TLN2: variants seen among roughly 807,000 people sequenced by gnomAD.
TLN2 encodes the protein talin 2, also known as talin-2.
TLN2 carries 118 observed loss-of-function variants against 294.7 expected under a neutral mutation model. The ratio of observed to expected loss-of-function variants is 0.40; its 90% confidence interval spans 0.34 to 0.47. The LOEUF (loss-of-function observed/expected upper bound fraction) is 0.47. Among genes scored for constraint, TLN2 ranks in the 20% least tolerant of loss-of-function variants. TLN2 has a pLI of 0.84. For missense variants in TLN2, 3,083 were observed against 3,282.2 expected (o/e 0.94, Z 1.48); for synonymous variants, 1,431 against 1,304.5 (o/e 1.10, Z -2.09).
At chr15:62,477,537 T>C (rs891263338) in intron 1 of TLN2, among the ~76,000 whole-genome samples, 4 of 152,160 alleles carry the variant, frequency 2.6e-5, no homozygotes, top group African/African-American at 9.7e-5. Context: ...TCCTTAAGGT[T>C]ATCATAGGTT....
chr15:62,526,889 G>A (rs1007234360), intron 1 of TLN2, among the ~76,000 whole-genome samples: 1 of 152,178 alleles, frequency 6.6e-6, no homozygotes, highest in Non-Finnish European at 1.5e-5. Flanking sequence ...TGAAGTACTA[G>A]CATTCACAAA....
At chr15:62,685,190 A>G (rs1233814642) in intron 11 of TLN2, among the ~76,000 whole-genome samples, 1 of 152,124 alleles carries the variant, frequency 6.6e-6, no homozygotes. Flanking sequence ...CTCTAAGATT[A>G]GGCCCTATAT....
At chr15:62,658,681 C>G (rs1024876209) in intron 9 of TLN2, among the ~76,000 whole-genome samples, 1 of 152,082 alleles carries the variant, frequency 6.6e-6, no homozygotes, top group South Asian at 2.1e-4. Flanking sequence ...GTCATACTGC[C>G]GGGTGTTCCT....
intron 11 of TLN2, among the ~76,000 whole-genome samples, chr15:62,681,421 G>A (rs1249612823): frequency 1.3e-5 from 2 of 152,180 alleles, no homozygotes; most frequent in Non-Finnish European, 2.9e-5. Flanking sequence ...CCACAGCCTT[G>A]AGATCAGTCA....
chr15:62,424,194 G>A (rs2034572661), intron 1 of TLN2, among the ~76,000 whole-genome samples: 1 of 152,164 alleles, frequency 6.6e-6, no homozygotes, highest in African/African-American at 2.4e-5. Context: ...GAGGCACATA[G>A]CATGGAGCCT....
chr15:62,454,047 C>T (rs190971580), intron 1 of TLN2, among the ~76,000 whole-genome samples: 6 of 152,316 alleles, frequency 3.9e-5, no homozygotes, highest in Admixed American at 3.3e-4. Flanking sequence ...GCAAGGGCCC[C>T]TGTGGCTCAG....
At chr15:62,554,940 C>G (rs905801132) in intron 1 of TLN2, among the ~76,000 whole-genome samples, 1 of 151,276 alleles carries the variant, frequency 6.6e-6, no homozygotes, top group African/African-American at 2.4e-5. Context: ...TGTACACTTG[C>G]TTTGCTGTGA....
chr15:62,441,962 C>T (rs948048786), intron 1 of TLN2, among the ~76,000 whole-genome samples: 1 of 152,052 alleles, frequency 6.6e-6, no homozygotes, highest in Non-Finnish European at 1.5e-5. Flanking sequence ...GGCTGTCCAT[C>T]TTTATGCTTG....
intron 46 of TLN2, among the ~76,000 whole-genome samples, chr15:62,795,409 A>AT (rs1233971761): frequency 6.6e-6 from 1 of 152,092 alleles, no homozygotes. Flanking sequence ...TGTCATAGGA[A>AT]AGTACCTCGG....
intron 52 of TLN2, among the ~76,000 whole-genome samples, chr15:62,812,914 C>G (rs951603545): frequency 2.6e-5 from 4 of 152,048 alleles, no homozygotes; most frequent in African/African-American, 9.7e-5. Context: ...TTCAGAGACT[C>G]CTGCTTAGTG....
At chr15:62,465,043 A>G (rs1386204588) in intron 1 of TLN2, among the ~76,000 whole-genome samples, 1 of 134,044 alleles carries the variant, frequency 7.5e-6, no homozygotes, top group Non-Finnish European at 1.6e-5. Context: ...TGATCTTTAG[A>G]TTTCCTCTCT....
At chr15:62,478,632 A>G (rs2037917787) in intron 1 of TLN2, among the ~76,000 whole-genome samples, 1 of 152,134 alleles carries the variant, frequency 6.6e-6, no homozygotes. Context: ...GCCAAGACCT[A>G]GTCCTCGAGG....
At chr15:62,604,759 G>T (rs1246188832) in intron 2 of TLN2, among the ~76,000 whole-genome samples, 6 of 150,080 alleles carry the variant, frequency 4.0e-5, no homozygotes, top group Non-Finnish European at 5.9e-5. Flanking sequence ...CTCATATTAT[G>T]CGATAAGGGA....
intron 14 of TLN2, among the ~76,000 whole-genome samples, chr15:62,695,541 A>G (rs144734552): frequency 8.9e-4 from 136 of 152,334 alleles, no homozygotes; most frequent in African/African-American, 3.2e-3. Context: ...AGATCTTGCG[A>G]TGTTTCCCAT....
intron 3 of TLN2, among the ~76,000 whole-genome samples, chr15:62,635,629 G>A (rs554495623): frequency 1.3e-5 from 2 of 152,162 alleles, no homozygotes; most frequent in African/African-American, 4.8e-5. Flanking sequence ...GACAGACCTG[G>A]GTTAAACCTT....
chr15:62,408,142 C>T (rs2140248347), intron 1 of TLN2, among the ~76,000 whole-genome samples: 1 of 152,168 alleles, frequency 6.6e-6, no homozygotes, highest in East Asian at 1.9e-4. Flanking sequence ...CTGTGCTACA[C>T]AGATGTACCT....
rs916329153 is a variant in TLN2, at chr15:62,677,615, A to C, written c.957+2294A>C. On this transcript the variant is annotated intron_variant, in intron 11 of 58. Transcript: ENST00000636159. ...TAGCAGGGTCTTGCAGGTTTGATCA[A>C]ACCAAATCTCCTTTTACACAATTAT... Among the ~76,000 whole-genome samples, 3 of 152,128 alleles carry C rather than the reference A, an allele frequency of 2.0e-5. No individual in the cohort carries two copies. In the East Asian group the frequency reaches 5.8e-4, roughly 29 times the overall value.
At chr15:62,696,037 C>A (rs563955119) in intron 14 of TLN2, among the ~76,000 whole-genome samples, 27 of 152,368 alleles carry the variant, frequency 1.8e-4, no homozygotes, top group South Asian at 1.7e-3. Flanking sequence ...TCCACTTCTT[C>A]CTCCATTGGT....
intron 14 of TLN2, among the ~76,000 whole-genome samples, chr15:62,695,447 C>G (rs2058260488): frequency 2.0e-5 from 3 of 152,152 alleles, no homozygotes; most frequent in Non-Finnish European, 4.4e-5. Context: ...CAGGATCTAT[C>G]TTTCCCAGTC....
Sources: allele counts gnomAD v4.1 joint callset (sites outside exome capture counted in the v4.1 genomes callset), GRCh38; gene constraint gnomAD v4.1.1; transcripts MANE v1.5; gene names NCBI Gene and HGNC (gene_info 2026-07-23, HGNC 2026-07-21).